The following ELMO1 variants were observed in gnomAD, a reference collection of about 807,000 sequenced individuals.
ELMO1 encodes engulfment and cell motility 1, also known as engulfment and cell motility protein 1.
In ELMO1, 26 loss-of-function variants were observed where a neutral mutation model predicts 98.9. That is an observed-to-expected ratio of 0.26 (90% CI 0.19 to 0.36). ELMO1 has a LOEUF of 0.36. Among genes scored for constraint, ELMO1 ranks in the 10% least tolerant of loss-of-function variants. ELMO1 has a pLI of 1.00. For missense variants in ELMO1, 627 were observed against 935.2 expected (o/e 0.67, Z 4.30); for synonymous variants, 346 against 346.0 (o/e 1.00, Z 0.00).
At chr7:37,057,819 G>A (rs970649272) in intron 15 of ELMO1, among the ~76,000 whole-genome samples, 3 of 152,186 alleles carry the variant, frequency 2.0e-5, no homozygotes, top group African/African-American at 7.2e-5. Context: ...GCAGTTCACT[G>A]AGTTAATGAT....
chr7:37,096,609 G>C lies in ELMO1; in HGVS notation c.1300+10C>G. The C allele has an allele frequency of 6.2e-7, 1 of 1,612,770 alleles. No homozygotes were observed. Among genetic ancestry groups the C allele is most frequent in the Non-Finnish European group, 8.5e-7 (1 of 1,178,774 alleles). ...AGCTTCACACCCATGTGGGAAATAA[G>C]TATACTTACGCAACTCGCCCACTTT... On this transcript the variant is annotated intron_variant, in intron 15 of 21. Coordinates refer to ENST00000310758, the MANE Select transcript of ELMO1 (RefSeq NM_014800.11).
intron 13 of ELMO1, among the ~76,000 whole-genome samples, chr7:37,195,325 C>A (rs1383513281): frequency 6.7e-6 from 1 of 149,884 alleles, no homozygotes. Flanking sequence ...CCTTAAATAT[C>A]ATAAATGCTC....
chr7:37,193,248 A>G (rs1445723725), intron 13 of ELMO1, among the ~76,000 whole-genome samples: 1 of 152,018 alleles, frequency 6.6e-6, no homozygotes, highest in East Asian at 1.9e-4. Context: ...GGAGGCTCAA[A>G]GAGGCCAAGC....
At chr7:36,942,181 A>C (rs1321937991) in intron 16 of ELMO1, among the ~76,000 whole-genome samples, 1 of 152,168 alleles carries the variant, frequency 6.6e-6, no homozygotes, top group Non-Finnish European at 1.5e-5. Context: ...GTCAGTCCAG[A>C]CCTCCAGGTA....
At chr7:37,136,981 G>T (rs1894926) in intron 13 of ELMO1, among the ~76,000 whole-genome samples, 33,021 of 151,972 alleles carry the variant, frequency 0.22, 4,154 homozygotes, top group African/African-American at 0.34. Context: ...ACGGCAGAAA[G>T]GATAAGAATT....
intron 1 of ELMO1, among the ~76,000 whole-genome samples, chr7:37,377,161 G>A (rs906763469): frequency 2.6e-5 from 4 of 152,152 alleles, no homozygotes; most frequent in Admixed American, 2.6e-4. Flanking sequence ...GCCACATATT[G>A]CTAGCTTAGA....
chr7:37,365,310 G>GA (rs1195525553), intron 1 of ELMO1, among the ~76,000 whole-genome samples: 2 of 152,174 alleles, frequency 1.3e-5, no homozygotes, highest in Non-Finnish European at 2.9e-5. Flanking sequence ...GGCTGCAGGG[G>GA]ATCCTACTGA....
At chr7:37,215,404 C>T (rs1793223780) in intron 11 of ELMO1, among the ~76,000 whole-genome samples, 1 of 152,080 alleles carries the variant, frequency 6.6e-6, no homozygotes, top group South Asian at 2.1e-4. Context: ...ACATCTGGGA[C>T]CTTGTTGACC....
intron 1 of ELMO1, among the ~76,000 whole-genome samples, chr7:37,384,165 T>C (rs143550788): frequency 6.6e-5 from 10 of 152,310 alleles, no homozygotes; most frequent in Non-Finnish European, 1.2e-4. Flanking sequence ...GTATAGAATA[T>C]GTTGCTTAGA....
chr7:37,168,498 T>C (rs1166128865), intron 13 of ELMO1, among the ~76,000 whole-genome samples: 1 of 151,928 alleles, frequency 6.6e-6, no homozygotes, highest in Non-Finnish European at 1.5e-5. Context: ...ATGATGGTGA[T>C]GTACAGATGG....
chr7:37,360,712 A>T (rs1801669102), intron 1 of ELMO1, among the ~76,000 whole-genome samples: 1 of 152,248 alleles, frequency 6.6e-6, no homozygotes, highest in South Asian at 2.1e-4. Flanking sequence ...TGTGGTTTTC[A>T]GTAACTGCAA....
chr7:37,006,070 C>A (rs545058464), intron 16 of ELMO1, among the ~76,000 whole-genome samples: 74 of 152,302 alleles, frequency 4.9e-4, no homozygotes, highest in African/African-American at 1.4e-3. Flanking sequence ...TATGTACTGT[C>A]CCCAGCCCCC....
intron 8 of ELMO1, among the ~76,000 whole-genome samples, chr7:37,225,934 T>A (rs1793849580): frequency 6.6e-6 from 1 of 152,302 alleles, no homozygotes; most frequent in Non-Finnish European, 1.5e-5. Context: ...AATAACTTGG[T>A]TCCACGACAA....
chr7:37,278,635 T>C (rs1156528595), intron 4 of ELMO1, among the ~76,000 whole-genome samples: 2 of 152,154 alleles, frequency 1.3e-5, no homozygotes, highest in East Asian at 3.9e-4. Flanking sequence ...CCCTGTGGAT[T>C]TAGGGTTTTC....
chr7:37,079,185 G>A (rs2129233620), intron 15 of ELMO1, among the ~76,000 whole-genome samples: 1 of 152,130 alleles, frequency 6.6e-6, no homozygotes, highest in East Asian at 1.9e-4. Context: ...ATATAAACAT[G>A]CTGTTATTTC....
At chr7:37,317,822 T>C (rs1255415884) in intron 2 of ELMO1, among the ~76,000 whole-genome samples, 2 of 152,178 alleles carry the variant, frequency 1.3e-5, no homozygotes, top group Admixed American at 1.3e-4. Context: ...ACTAAAACGG[T>C]ATAACTGGAT....
intron 13 of ELMO1, among the ~76,000 whole-genome samples, chr7:37,155,714 AAAT>A (rs1788712651): frequency 6.6e-6 from 1 of 152,148 alleles, no homozygotes; most frequent in East Asian, 1.9e-4. Flanking sequence ...GACTCCCACT[AAAT>A]AATAATGGGA....
At chr7:37,086,613 C>T (rs1002921733) in intron 15 of ELMO1, among the ~76,000 whole-genome samples, 14 of 151,556 alleles carry the variant, frequency 9.2e-5, no homozygotes, top group African/African-American at 3.4e-4. Flanking sequence ...TGTGGTGGTG[C>T]ATTCCTGTAA....
intron 16 of ELMO1, among the ~76,000 whole-genome samples, chr7:36,988,966 T>A (rs1791689048): frequency 6.6e-6 from 1 of 152,188 alleles, no homozygotes; most frequent in Non-Finnish European, 1.5e-5. Flanking sequence ...GAATGACAGA[T>A]TAACAGAATA....
Sources: gnomAD v4.1 joint callset for allele counts (sites outside exome capture counted in the v4.1 genomes callset) on GRCh38, gnomAD v4.1.1 for gene constraint, MANE v1.5 for transcripts, NCBI Gene and HGNC (gene_info 2026-07-23, HGNC 2026-07-21) for gene names.